The following MIB1 variants were observed in gnomAD, a reference collection of about 807,000 sequenced individuals.
The protein encoded by MIB1 is MIB E3 ubiquitin protein ligase 1.
MIB1 carries 278 observed loss-of-function variants against 124.5 expected under a neutral mutation model. The observed-to-expected ratio is 2.23, with a 90% CI of 2.02 to 2.47. The LOEUF (loss-of-function observed/expected upper bound fraction) is 2.47, where lower values mean the gene tolerates loss of function less well. MIB1 is among the 30% of genes most tolerant of loss of function. The pLI is 0.00. For missense variants in MIB1, 957 were observed against 1,254.4 expected (o/e 0.76, Z 3.58); for synonymous variants, 446 against 429.4 (o/e 1.04, Z -0.48).
Position 21,838,468 on chromosome 18 carries a change from G to C in MIB1, c.1933G>C (p.Val645Leu), listed in dbSNP as rs747233793. The change falls in exon 13 of 21, where the codon GTA becomes CTA. Residue 645 changes from valine (V) to leucine (L), a missense_variant. Coordinates refer to ENST00000261537, the MANE Select transcript of MIB1 (RefSeq NM_020774.4). ...ACATCTGGCTGCCCTTAATAATCACGTAGAAGTGGCTGAACTGTTGGTACA... is the reference window on the plus strand; with the variant it reads ...ACATCTGGCTGCCCTTAATAATCACCTAGAAGTGGCTGAACTGTTGGTACA... ...ALHLAALNNH[V>L]EVAELLVHQG... 2 of 1,608,686 alleles carry C rather than the reference G, an allele frequency of 1.2e-6. No homozygotes were observed. The highest frequency in any genetic ancestry group is 2.7e-5 in the African/African-American group (2 of 74,756).
At chr18:21,783,923 T>G (rs940199817) in intron 6 of MIB1, among the ~76,000 whole-genome samples, 3 of 151,992 alleles carry the variant, frequency 2.0e-5, no homozygotes, top group African/African-American at 7.3e-5. Flanking sequence ...AAATTTTTTT[T>G]GTAGAGATGG....
intron 1 of MIB1, among the ~76,000 whole-genome samples, chr18:21,742,858 A>G (rs2146375519): frequency 6.6e-6 from 1 of 152,354 alleles, no homozygotes; most frequent in Admixed American, 6.5e-5. Context: ...ATCAGTAGCA[A>G]TAAAGAAATT....
chr18:21,710,723 C>G (rs76660719), intron 1 of MIB1, among the ~76,000 whole-genome samples: 2 of 152,256 alleles, frequency 1.3e-5, no homozygotes, highest in South Asian at 4.1e-4. Flanking sequence ...ACACTCCAGC[C>G]TGGGTGACAG....
intron 1 of MIB1, among the ~76,000 whole-genome samples, chr18:21,710,063 T>A (rs2040658894): frequency 6.6e-6 from 1 of 152,334 alleles, no homozygotes; most frequent in Non-Finnish European, 1.5e-5. Context: ...GCTTCAAAAT[T>A]TTTTAAGACA....
Position 21,798,189 on chromosome 18 carries a change from G to T in MIB1, c.1198G>T (p.Val400Leu). The part of the protein sequence containing the change: ...WTYNPAAVSK[V>L]ASAGSAISNA... ...ATACAATCCAGCAGCAGTTTCCAAG[G>T]TGGCATCTGCAGGATCAGCCATTAG... Residue 400 changes from valine to leucine, a missense_variant, in exon 8 of 21, where the codon GTG (valine) becomes TTG (leucine). Val to Leu is a conservative substitution (Grantham distance 32). Transcript: ENST00000261537. 1 of 1,613,178 alleles carries T rather than the reference G, an allele frequency of 6.2e-7. No individual in the cohort carries two copies. Among genetic ancestry groups the T allele is most frequent in the Non-Finnish European group, 8.5e-7 (1 of 1,179,376 alleles).
chr18:21,717,149 G>A (rs2146355816), intron 1 of MIB1, among the ~76,000 whole-genome samples: 1 of 152,220 alleles, frequency 6.6e-6, no homozygotes, highest in East Asian at 1.9e-4. Flanking sequence ...AAAAGAAAGT[G>A]GGGAAAGGAC....
chr18:21,818,892 G>A (rs1395661942), intron 11 of MIB1, among the ~76,000 whole-genome samples: 4 of 152,084 alleles, frequency 2.6e-5, no homozygotes, highest in Non-Finnish European at 5.9e-5. Flanking sequence ...CTGAGATCGC[G>A]CTATTGTACT....
chr18:21,826,059 C>T, intron 12 of MIB1: 1 of 229,098 alleles, frequency 4.4e-6, no homozygotes, highest in South Asian at 4.6e-5. Flanking sequence ...TTGTCCACAG[C>T]CGAAGTCTTT....
At chr18:21,751,033 C>CA (rs1254518100) in intron 1 of MIB1, among the ~76,000 whole-genome samples, 3 of 151,634 alleles carry the variant, frequency 2.0e-5, no homozygotes, top group Non-Finnish European at 2.9e-5. Flanking sequence ...CCCATCTCTA[C>CA]AAAAAAATAT....
At chr18:21,725,322 A>G (rs1259994836) in intron 1 of MIB1, among the ~76,000 whole-genome samples, 1 of 152,126 alleles carries the variant, frequency 6.6e-6, no homozygotes, top group East Asian at 1.9e-4. Context: ...CAGAAAGGTC[A>G]TGTTGGAAAG....
At chr18:21,793,636 C>G (rs142772674) in intron 7 of MIB1, among the ~76,000 whole-genome samples, 1 of 151,438 alleles carries the variant, frequency 6.6e-6, no homozygotes, top group Non-Finnish European at 1.5e-5. Context: ...CAAAAATTAG[C>G]CAGGTGTGGT....
At chr18:21,851,113 G>T (rs576433640) in intron 17 of MIB1, among the ~76,000 whole-genome samples, 1 of 152,260 alleles carries the variant, frequency 6.6e-6, no homozygotes, top group African/African-American at 2.4e-5. Flanking sequence ...AGAGCCTCTG[G>T]TTGTCAGAAG....
intron 15 of MIB1, among the ~76,000 whole-genome samples, chr18:21,846,221 G>A (rs1262613698): frequency 1.3e-5 from 2 of 152,086 alleles, no homozygotes; most frequent in African/African-American, 4.8e-5. Context: ...AGACCAAAGT[G>A]TTTGAGACCT....
At chr18:21,763,127 A>G (rs1464647928) in intron 1 of MIB1, among the ~76,000 whole-genome samples, 1 of 151,800 alleles carries the variant, frequency 6.6e-6, no homozygotes, top group Non-Finnish European at 1.5e-5. Context: ...ATTTAGCCTC[A>G]CAATGTCTCT....
intron 1 of MIB1, among the ~76,000 whole-genome samples, chr18:21,723,670 C>T (rs1224761040): frequency 6.6e-6 from 1 of 152,100 alleles, no homozygotes; most frequent in African/African-American, 2.4e-5. Flanking sequence ...CACCCGCCAC[C>T]ACGCCCAGCT....
intron 11 of MIB1, chr18:21,817,974 G>A (rs2041844915): frequency 6.2e-6 from 1 of 160,878 alleles, no homozygotes; most frequent in African/African-American, 2.4e-5. Context: ...AATTATTCAT[G>A]TCTGTACATG....
chr18:21,829,255 A>G, intron 12 of MIB1: 1 of 328,970 alleles, frequency 3.0e-6, no homozygotes, highest in South Asian at 2.5e-5. Flanking sequence ...TAATGGTTCC[A>G]TATTCTTGGT....
intron 10 of MIB1, among the ~76,000 whole-genome samples, chr18:21,815,073 GTATA>G (rs1255121195): frequency 1.2e-5 from 1 of 80,128 alleles, no homozygotes; most frequent in Non-Finnish European, 2.6e-5. Context: ...ATATATAAAT[GTATA>G]TATATAAATA....
intron 7 of MIB1, among the ~76,000 whole-genome samples, chr18:21,795,399 TAC>T (rs563492763): frequency 9.0e-5 from 13 of 144,872 alleles, no homozygotes; most frequent in South Asian, 8.4e-4. Flanking sequence ...TTTTTATATA[TAC>T]ACACACATAT....
Sources: allele counts gnomAD v4.1 joint callset (sites outside exome capture counted in the v4.1 genomes callset), GRCh38; gene constraint gnomAD v4.1.1; transcripts MANE v1.5; gene names NCBI Gene and HGNC (gene_info 2026-07-23, HGNC 2026-07-21).